The following PARN variants were observed in gnomAD, a reference collection of about 807,000 sequenced individuals.
The protein encoded by PARN is poly(A)-specific ribonuclease PARN.
PARN carries 71 observed loss-of-function variants against 102.8 expected under a neutral mutation model. The ratio of observed to expected loss-of-function variants is 0.69; its 90% CI spans 0.57 to 0.84. The LOEUF (loss-of-function observed/expected upper bound fraction) is 0.84, where lower values mean the gene tolerates loss of function less well. PARN is among the 40% of genes least tolerant of loss of function. The pLI, the probability that PARN is intolerant of heterozygous loss-of-function variation, is 0.00. For missense variants in PARN, 782 were observed against 760.9 expected, an observed-to-expected ratio of 1.03 and a Z score of -0.33; for synonymous variants, 261 against 252.9, an observed-to-expected ratio of 1.03 and a Z score of -0.30.
chr16:14,459,975 T>A (rs1484133640), intron 22 of PARN, among the ~76,000 whole-genome samples: 2 of 152,180 alleles, frequency 1.3e-5, no homozygotes, highest in Admixed American at 1.3e-4. Context: ...TAACCGTATA[T>A]AAAAATTAAC....
At chr16:14,500,648 A>T (rs1964539585) in intron 21 of PARN, among the ~76,000 whole-genome samples, 1 of 152,194 alleles carries the variant, frequency 6.6e-6, no homozygotes. Flanking sequence ...AAAGTGCTAC[A>T]TCTAATACCT....
chr16:14,497,518 C>T (rs1964379702), intron 21 of PARN, among the ~76,000 whole-genome samples: 1 of 152,158 alleles, frequency 6.6e-6, no homozygotes, highest in African/African-American at 2.4e-5. Context: ...CACTTTTGGA[C>T]CTAGCTAACT....
intron 22 of PARN, among the ~76,000 whole-genome samples, chr16:14,451,696 A>G (rs1396565641): frequency 6.6e-6 from 1 of 151,870 alleles, no homozygotes; most frequent in Non-Finnish European, 1.5e-5. Flanking sequence ...GTGTCTTTAT[A>G]GGAGTATAGT....
intron 18 of PARN, among the ~76,000 whole-genome samples, chr16:14,558,932 G>A (rs1056053494): frequency 2.0e-5 from 3 of 152,052 alleles, no homozygotes; most frequent in South Asian, 2.1e-4. Flanking sequence ...AAAATAACTA[G>A]AGACTTTCTT....
intron 18 of PARN, among the ~76,000 whole-genome samples, chr16:14,564,751 T>C (rs1968327354): frequency 6.6e-6 from 1 of 152,184 alleles, no homozygotes; most frequent in Middle Eastern, 3.2e-3. Context: ...CCAAACTCTT[T>C]ATCCTTCCTC....
chr16:14,526,721 ACAGTTGTAGC>A (rs1460007232), intron 21 of PARN, among the ~76,000 whole-genome samples: 1 of 152,204 alleles, frequency 6.6e-6, no homozygotes, highest in East Asian at 1.9e-4. Flanking sequence ...GTCAAATTCA[ACAGTTGTAGC>A]CATCCTATGT....
chr16:14,622,325 A>T (rs985008078), intron 5 of PARN, among the ~76,000 whole-genome samples: 1 of 152,256 alleles, frequency 6.6e-6, no homozygotes, highest in African/African-American at 2.4e-5. Flanking sequence ...ATACAAAAAA[A>T]TTCTTACACA....
chr16:14,630,165 C>G lies in PARN; in HGVS notation c.-40G>C. On this transcript the variant is annotated 5_prime_UTR_variant, in exon 1 of 24. Coordinates refer to ENST00000437198, the MANE Select transcript of PARN (RefSeq NM_002582.4). ...GGAACCTTGGCCCCACCCGGGCCCG[C>G]GCCCGCCTCAGCGGTTCTACTCGCC... 6.5e-7 allele frequency: 1 copy of G among 1,540,032 alleles called. No homozygotes were observed. Among genetic ancestry groups the G allele is most frequent in the Non-Finnish European group, 8.8e-7 (1 of 1,137,694 alleles).
At chr16:14,544,153 T>C (rs1229703345) in intron 21 of PARN, among the ~76,000 whole-genome samples, 1 of 151,068 alleles carries the variant, frequency 6.6e-6, no homozygotes, top group Non-Finnish European at 1.5e-5. Flanking sequence ...GATCATGCCA[T>C]TGCACTCTAG....
At chr16:14,525,754 T>C (rs2151659472) in intron 21 of PARN, among the ~76,000 whole-genome samples, 1 of 152,344 alleles carries the variant, frequency 6.6e-6, no homozygotes, top group East Asian at 1.9e-4. Flanking sequence ...ACTATACTGT[T>C]ATTTGCACAG....
chr16:14,500,974 C>T (rs977505001), intron 21 of PARN, among the ~76,000 whole-genome samples: 1 of 152,160 alleles, frequency 6.6e-6, no homozygotes, highest in Non-Finnish European at 1.5e-5. Context: ...TCCATGGCTA[C>T]AGATTCTTCT....
chr16:14,629,068 T>A (rs1443175163), intron 2 of PARN, among the ~76,000 whole-genome samples: 1 of 152,172 alleles, frequency 6.6e-6, no homozygotes, highest in African/African-American at 2.4e-5. Context: ...TCCACTTATA[T>A]GAGATGTTAA....
At chr16:14,477,187 C>A (rs1337997184) in intron 22 of PARN, among the ~76,000 whole-genome samples, 1 of 152,176 alleles carries the variant, frequency 6.6e-6, no homozygotes, top group East Asian at 1.9e-4. Flanking sequence ...TACCTGTAAT[C>A]CCAGCACTTT....
At chr16:14,515,299 C>A (rs116174565) in intron 21 of PARN, among the ~76,000 whole-genome samples, 6,419 of 152,180 alleles carry the variant, frequency 0.042, 146 homozygotes, top group African/African-American at 0.05. Flanking sequence ...AAACAGATGT[C>A]CCGAATATAA....
At chr16:14,438,059 C>A (rs551570029) in intron 23 of PARN, among the ~76,000 whole-genome samples, 1 of 152,134 alleles carries the variant, frequency 6.6e-6, no homozygotes, top group South Asian at 2.1e-4. Context: ...TCTGGGACAC[C>A]CAGTAAAGAT....
intron 5 of PARN, among the ~76,000 whole-genome samples, chr16:14,620,081 A>AAG (rs1266977324): frequency 6.7e-6 from 1 of 148,946 alleles, no homozygotes; most frequent in East Asian, 2.0e-4. Flanking sequence ...AAAAAAAAAA[A>AAG]AAAAAAAAAA....
At chr16:14,472,930 C>T (rs1479166393) in intron 22 of PARN, among the ~76,000 whole-genome samples, 1 of 152,112 alleles carries the variant, frequency 6.6e-6, no homozygotes, top group Non-Finnish European at 1.5e-5. Context: ...ATATTATACA[C>T]GCTGCATCCT....
chr16:14,542,344 C>T lies in PARN; in HGVS notation c.1480+9677G>A, dbSNP rs114466145. On this transcript the variant is annotated intron_variant, in intron 21 of 23. Coordinates refer to ENST00000437198, the MANE Select transcript of PARN (RefSeq NM_002582.4). Reference sequence around the variant, plus strand: ...TTCTTTTTTTAACTTTTTTAAGAGACAGGGTCTCGCTGTATCTCTCAGGCT... The same window carrying T: ...TTCTTTTTTTAACTTTTTTAAGAGATAGGGTCTCGCTGTATCTCTCAGGCT... Among the ~76,000 whole-genome samples, 1,180 of 148,394 alleles carry T rather than the reference C, an allele frequency of 8.0e-3. 11 individuals are homozygous for T. The highest frequency in any genetic ancestry group is 0.027 in the African/African-American group (1,109 of 40,344).
intron 21 of PARN, among the ~76,000 whole-genome samples, chr16:14,530,975 T>TCATCCATCCATCCATCCATCCATC (rs56403427): frequency 6.6e-6 from 1 of 151,374 alleles, no homozygotes; most frequent in Non-Finnish European, 1.5e-5. Context: ...ATTCATTCAT[T>TCATCCATCCATCCATCCATCCATC]CATCCATCCA....
Sources: gnomAD v4.1 joint callset for allele counts (sites outside exome capture counted in the v4.1 genomes callset) on GRCh38, gnomAD v4.1.1 for gene constraint, MANE v1.5 for transcripts, NCBI Gene and HGNC (gene_info 2026-07-23, HGNC 2026-07-21) for gene names.